RB1: variants seen among roughly 807,000 people sequenced by gnomAD.
RB1 encodes the protein RB transcriptional corepressor 1, also known as retinoblastoma-associated protein.
A neutral mutation model predicts 135.4 loss-of-function variants in RB1; 18 were observed. The ratio of observed to expected loss-of-function variants is 0.13; its 90% CI spans 0.09 to 0.20. The LOEUF is 0.20. RB1 is among the 10% of genes least tolerant of loss of function. The pLI is 1.00. For missense variants in RB1, 868 were observed against 1,110.0 expected (o/e 0.78, Z 3.10); for synonymous variants, 365 against 373.2 (o/e 0.98, Z 0.25).
intron 17 of RB1, chr13:48,408,775 C>G (rs1205386965): frequency 3.3e-5 from 5 of 152,116 alleles, no homozygotes; most frequent in African/African-American, 1.2e-4. Context: ...TTCCTGTTGA[C>G]AAGAGACACC....
intron 17 of RB1, among the ~76,000 whole-genome samples, chr13:48,424,553 A>G (rs1949052618): frequency 6.6e-6 from 1 of 152,202 alleles, no homozygotes. Context: ...TTAAAACTTG[A>G]ATAAGCATAT....
rs115068624 is a variant in RB1, at chr13:48,334,411, A to G, written c.265-8188A>G. 6.5e-3 allele frequency among the ~76,000 whole-genome samples: 991 copies of G among 152,304 alleles called. 14 individuals are homozygous for G. Among genetic ancestry groups the G allele is most frequent in the African/African-American group, 0.023 (944 of 41,560 alleles). Reference sequence around the variant, plus strand: ...TATCACCTAGGTAAGGAGGAAATCTAGGAGCAAAAGATAAAGGCAGTTCTT... The same window carrying G: ...TATCACCTAGGTAAGGAGGAAATCTGGGAGCAAAAGATAAAGGCAGTTCTT... On this transcript the variant is annotated intron_variant, in intron 2 of 26. Coordinates refer to ENST00000267163, the MANE Select transcript of RB1 (RefSeq NM_000321.3).
chr13:48,340,569 A>G (rs1593433098), intron 2 of RB1, among the ~76,000 whole-genome samples: 1 of 106,510 alleles, frequency 9.4e-6, no homozygotes. Context: ...TCATTTTTTA[A>G]TCTTTAAAAG....
At chr13:48,433,438 T>G (rs1473657858) in intron 17 of RB1, among the ~76,000 whole-genome samples, 2 of 152,162 alleles carry the variant, frequency 1.3e-5, no homozygotes, top group Admixed American at 6.5e-5. Flanking sequence ...TGCCTTGCTT[T>G]GTAACTTAAA....
At chr13:48,414,878 T>C (rs1258376247) in intron 17 of RB1, among the ~76,000 whole-genome samples, 4 of 152,228 alleles carry the variant, frequency 2.6e-5, no homozygotes, top group African/African-American at 9.6e-5. Context: ...TGTATGTGTG[T>C]GTTCTTATTA....
At chr13:48,430,682 G>C (rs1330626072) in intron 17 of RB1, among the ~76,000 whole-genome samples, 3 of 152,158 alleles carry the variant, frequency 2.0e-5, no homozygotes, top group Non-Finnish European at 4.4e-5. Context: ...GGAGGTTGCA[G>C]TGAGCCGAGA....
At chr13:48,472,967 TA>T (rs1949481468) in intron 23 of RB1, among the ~76,000 whole-genome samples, 2 of 152,284 alleles carry the variant, frequency 1.3e-5, no homozygotes, top group African/African-American at 4.8e-5. Flanking sequence ...GAATTCTGAT[TA>T]TTACTTAATA....
chr13:48,318,429 G>C (rs907218930), intron 2 of RB1: 3 of 1,484,902 alleles, frequency 2.0e-6, no homozygotes, highest in Non-Finnish European at 2.8e-6. Flanking sequence ...ACTGTCCAGG[G>C]AGCTGCTCTT....
Position 48,319,169 on chromosome 13 carries a change from G to C in RB1, c.264+11763G>C. 3 of 608,694 alleles carry C rather than the reference G, an allele frequency of 4.9e-6. No individual in the cohort carries two copies. In the South Asian group the frequency reaches 5.0e-5, roughly 10 times the overall value. 37.7% of individuals were successfully genotyped at this position (608,694 alleles called of 1,614,324 possible). ...CTTGTGGGGAATGGTCAGCGTCTAG[G>C]CACCCCGGGCAAGGGTCTGTGGCCT... is the stretch of plus-strand genomic sequence containing the variant. On this transcript the variant is annotated intron_variant, in intron 2 of 26. Transcript: ENST00000267163. This position sits in a 1 kb window ranked among gnomAD's most constrained non-coding sequence, Gnocchi z 5.0.
intron 7 of RB1, chr13:48,360,662 G>A (rs1401288337): frequency 2.0e-5 from 3 of 152,854 alleles, no homozygotes; most frequent in African/African-American, 7.2e-5. Context: ...AGTGGGTGAT[G>A]AGTGATGAGA....
chr13:48,476,074 C>T (rs1430184135), intron 24 of RB1, among the ~76,000 whole-genome samples: 3 of 152,122 alleles, frequency 2.0e-5, no homozygotes, highest in Non-Finnish European at 4.4e-5. Context: ...ATAGATTTAC[C>T]ATCAAAACCT....
At chr13:48,324,530 A>G (rs1481250447) in intron 2 of RB1, among the ~76,000 whole-genome samples, 1 of 151,842 alleles carries the variant, frequency 6.6e-6, no homozygotes, top group Admixed American at 6.6e-5. Flanking sequence ...CTGGTTCCAA[A>G]TGACAGGATT....
At chr13:48,330,049 G>A (rs975379756) in intron 2 of RB1, among the ~76,000 whole-genome samples, 2 of 151,800 alleles carry the variant, frequency 1.3e-5, no homozygotes, top group Non-Finnish European at 2.9e-5. Context: ...ACTCAAATAT[G>A]TGAAAATTAA....
intron 17 of RB1, chr13:48,444,898 A>G (rs1949273279): frequency 6.6e-6 from 1 of 152,224 alleles, no homozygotes; most frequent in Admixed American, 6.5e-5. Flanking sequence ...GGCCTACCAC[A>G]CCAAACGTTA....
chr13:48,376,746 C>G (rs373909723), intron 12 of RB1, among the ~76,000 whole-genome samples, 172 bp from the exon 13 acceptor site: 2 of 152,134 alleles, frequency 1.3e-5, no homozygotes, highest in African/African-American at 4.8e-5. Context: ...TCATTAACAT[C>G]CAGTGAAATG....
chr13:48,308,692 C>T (rs545625786), intron 2 of RB1, among the ~76,000 whole-genome samples: 13 of 151,388 alleles, frequency 8.6e-5, no homozygotes, highest in Non-Finnish European at 1.6e-4. Context: ...TACAAATCTA[C>T]GAATAACTCA....
intron 2 of RB1, chr13:48,318,520 G>C (rs1018790240): frequency 5.3e-5 from 52 of 974,130 alleles, no homozygotes; most frequent in Middle Eastern, 6.6e-4. Flanking sequence ...GTGTCGCCGG[G>C]CCCCTTGGCT....
intron 17 of RB1, among the ~76,000 whole-genome samples, chr13:48,424,481 A>G (rs1949051686): frequency 6.6e-6 from 1 of 152,222 alleles, no homozygotes; most frequent in Non-Finnish European, 1.5e-5. Flanking sequence ...TGATGGTTGA[A>G]GCAGGTTCAA....
intron 17 of RB1, among the ~76,000 whole-genome samples, chr13:48,441,985 G>A (rs796788768): frequency 9.9e-5 from 15 of 152,228 alleles, no homozygotes; most frequent in African/African-American, 3.1e-4. Flanking sequence ...GTACAAGCAT[G>A]TTTATTTCTG....
Sources: allele counts gnomAD v4.1 joint callset (sites outside exome capture counted in the v4.1 genomes callset), GRCh38; gene constraint gnomAD v4.1.1; non-coding constraint Gnocchi (gnomAD v3.1); transcripts MANE v1.5; gene names NCBI Gene and HGNC (gene_info 2026-07-23, HGNC 2026-07-21).